AFF2: variants seen among roughly 807,000 people sequenced by gnomAD.
AFF2 encodes the protein AF4/FMR2 family member 2.
AFF2 carries 14 observed loss-of-function variants against 76.9 expected under a neutral mutation model. The observed-to-expected ratio is 0.18, with a 90% CI of 0.12 to 0.28. The LOEUF is 0.28. Ranked by LOEUF, AFF2 falls within the 10% of genes least tolerant of loss-of-function variation. AFF2 has a pLI of 1.00. For missense variants in AFF2, 868 were observed against 1,001.1 expected, an observed-to-expected ratio of 0.87 and a Z score of 1.79; for synonymous variants, 398 against 366.7, an observed-to-expected ratio of 1.09 and a Z score of -0.98.
intron 9 of AFF2, among the ~76,000 whole-genome samples, chrX:148,906,420 G>A (rs782314279): frequency 2.7e-5 from 3 of 111,627 alleles, no homozygotes. Flanking sequence ...GGATTTCCCA[G>A]GCCGACTAAG....
At chrX:148,543,651 G>A (rs1243511662) in intron 1 of AFF2, among the ~76,000 whole-genome samples, 3 of 111,632 alleles carry the variant, frequency 2.7e-5, no homozygotes, top group Non-Finnish European at 3.8e-5. Context: ...CTAGTTCCTC[G>A]GGGAACATCT....
chrX:148,723,998 A>G (rs1308672198), intron 3 of AFF2, among the ~76,000 whole-genome samples: 4 of 104,300 alleles, frequency 3.8e-5, no homozygotes, highest in African/African-American at 1.4e-4. Context: ...CATGTTAATC[A>G]TACAGCCATG....
At chrX:148,585,195 C>T (rs2053454738) in intron 1 of AFF2, among the ~76,000 whole-genome samples, 1 of 110,974 alleles carries the variant, frequency 9.0e-6, no homozygotes, top group Non-Finnish European at 1.9e-5. Context: ...GTGAAAGGAA[C>T]CAGGGATCTA....
intron 4 of AFF2, among the ~76,000 whole-genome samples, chrX:148,820,790 C>A (rs971906596): frequency 9.0e-6 from 1 of 111,258 alleles, no homozygotes; most frequent in Middle Eastern, 4.2e-3. Context: ...ATGTTTACCC[C>A]CTGAACTTAA....
At chrX:148,989,514 G>C (rs955501968) in intron 20 of AFF2, among the ~76,000 whole-genome samples, 1 of 112,126 alleles carries the variant, frequency 8.9e-6, no homozygotes, top group East Asian at 2.8e-4. Context: ...TGTCATTGGG[G>C]TTTTCAGCGG....
intron 7 of AFF2, among the ~76,000 whole-genome samples, chrX:148,869,450 C>T (rs1385036041): frequency 8.9e-6 from 1 of 112,380 alleles, no homozygotes; most frequent in Non-Finnish European, 1.9e-5. Flanking sequence ...TACATACATA[C>T]TTAAACCAGT....
At chrX:148,627,261 G>A in intron 1 of AFF2, among the ~76,000 whole-genome samples, 1 of 112,147 alleles carries the variant, frequency 8.9e-6, no homozygotes, top group African/African-American at 3.2e-5. Flanking sequence ...GCAAATTCCA[G>A]GCAGGATCAT....
At chrX:148,844,389 C>A (rs926522686) in intron 7 of AFF2, among the ~76,000 whole-genome samples, 4 of 111,899 alleles carry the variant, frequency 3.6e-5, no homozygotes, top group African/African-American at 9.8e-5. Context: ...TCATTCAGCA[C>A]TGTCTTCATT....
intron 3 of AFF2, among the ~76,000 whole-genome samples, chrX:148,705,413 A>T (rs782496186): frequency 8.9e-6 from 1 of 112,151 alleles, no homozygotes; most frequent in Non-Finnish European, 1.9e-5. Flanking sequence ...AGCCAGGAGA[A>T]AGTGTATTAT....
intron 1 of AFF2, among the ~76,000 whole-genome samples, chrX:148,636,727 G>A (rs1296471077): frequency 9.0e-6 from 1 of 111,403 alleles, no homozygotes; most frequent in Non-Finnish European, 1.9e-5. Flanking sequence ...AGTTGTGTGT[G>A]AAATGTGTGT....
chrX:148,892,487 G>A (rs1464884274), intron 8 of AFF2, among the ~76,000 whole-genome samples: 5 of 110,727 alleles, frequency 4.5e-5, no homozygotes, highest in South Asian at 3.9e-4. Flanking sequence ...CTTGTTGAGC[G>A]AGCTTACTGG....
At chrX:148,746,260 A>G (rs184353700) in intron 3 of AFF2, among the ~76,000 whole-genome samples, 1 of 112,058 alleles carries the variant, frequency 8.9e-6, no homozygotes, top group East Asian at 2.8e-4. Context: ...TTTCACTGAA[A>G]ATTCCATTTT....
At chrX:148,885,307 T>C (rs782343070) in intron 7 of AFF2, among the ~76,000 whole-genome samples, 2 of 111,626 alleles carry the variant, frequency 1.8e-5, no homozygotes, top group African/African-American at 3.3e-5. Flanking sequence ...CAGATCAAAT[T>C]TTACAGGAAG....
At position 148,978,521 on chromosome X, in the gene AFF2, A is replaced by G. The variant is rs781886858; in HGVS notation, c.3570+66A>G. ...AAATCACTAATAAGACACGACATGC[A>G]GGTTATCGAATGTCAAATGCTGCCA... On this transcript the variant is annotated intron_variant, in intron 18 of 20. Transcript: ENST00000370460. 14 of 785,775 alleles carry G rather than the reference A, an allele frequency of 1.8e-5. No individual in the cohort carries two copies. In the South Asian group the frequency reaches 3.1e-4, roughly 17 times the overall value. The allele number at this position is 785,775 out of a possible 1,213,427, so 64.8% of individuals were successfully genotyped here.
chrX:148,906,935 A>G (rs149808437), intron 9 of AFF2, among the ~76,000 whole-genome samples: 1,412 of 111,610 alleles, frequency 0.013, 25 homozygotes, highest in African/African-American at 0.044. Flanking sequence ...GCCTGGGTTC[A>G]TCCTAATCAG....
At position 148,593,327 on chromosome X, in the gene AFF2, C is replaced by G. The variant is rs1004363075; in HGVS notation, c.48-58672C>G. On this transcript the variant is annotated intron_variant, in intron 1 of 20. Transcript: ENST00000370460. ...CATGGGTGGGAGATAAAATACAATT[C>G]AAGGCCACCTGGGAGTGAAAGAGGA... is the stretch of plus-strand genomic sequence containing the variant. Among the ~76,000 whole-genome samples, 3 of 112,157 alleles carry G rather than the reference C, an allele frequency of 2.7e-5. No homozygotes were observed. The Admixed American group carries it at 2.8e-4, about 11-fold the overall frequency.
chrX:148,741,532 C>G (rs907793781), intron 3 of AFF2, among the ~76,000 whole-genome samples: 14 of 110,739 alleles, frequency 1.3e-4, no homozygotes, highest in African/African-American at 3.9e-4. Flanking sequence ...AAGGGCGAGA[C>G]GGACTTGAAA....
chrX:148,998,796 G>A lies in AFF2; in HGVS notation c.*7464G>A, dbSNP rs782701844. 6 of 104,748 alleles carry A rather than the reference G, an allele frequency of 5.7e-5. No homozygotes were observed. Among genetic ancestry groups the A allele is most frequent in the Middle Eastern group, 5.1e-3 (1 of 198 alleles). The allele number at this position is 104,748 out of a possible 1,213,427, so 8.6% of individuals were successfully genotyped here. On this transcript the variant is annotated 3_prime_UTR_variant, in exon 21 of 21. Transcript: ENST00000370460. ...TCCTTTTCCTTTTCCATTATTTTTCGATGGGGGGGTTGTTATCATTGACTG... is the reference window on the plus strand; with the variant it reads ...TCCTTTTCCTTTTCCATTATTTTTCAATGGGGGGGTTGTTATCATTGACTG...
intron 3 of AFF2, among the ~76,000 whole-genome samples, chrX:148,809,034 A>G (rs1557271559): frequency 9.0e-6 from 1 of 111,368 alleles, no homozygotes; most frequent in Non-Finnish European, 1.9e-5. Flanking sequence ...GGCAGGAAGC[A>G]GATGTGATCG....
Sources: gnomAD v4.1 joint callset for allele counts (sites outside exome capture counted in the v4.1 genomes callset) on GRCh38, gnomAD v4.1.1 for gene constraint, MANE v1.5 for transcripts, NCBI Gene and HGNC (gene_info 2026-07-23, HGNC 2026-07-21) for gene names.